RFTN1: variants seen among roughly 807,000 people sequenced by gnomAD.
The protein encoded by RFTN1 is raftlin, lipid raft linker 1.
In RFTN1, 26 loss-of-function variants were observed where a neutral mutation model predicts 46.5. The observed-to-expected ratio is 0.56, with a 90% CI of 0.41 to 0.78. The LOEUF is 0.78. Among genes scored for constraint, RFTN1 ranks in the 30% least tolerant of loss-of-function variants. The pLI is 0.00. For missense variants in RFTN1, 693 were observed against 718.7 expected, an observed-to-expected ratio of 0.96 and a Z score of 0.41; for synonymous variants, 261 against 284.2, an observed-to-expected ratio of 0.92 and a Z score of 0.82.
chr3:16,502,904 A>G (rs1468108883), intron 1 of RFTN1, among the ~76,000 whole-genome samples: 1 of 152,238 alleles, frequency 6.6e-6, no homozygotes, highest in East Asian at 1.9e-4. Context: ...TTTACCACCC[A>G]TCAATAGATA....
rs555659080 is a variant in RFTN1 at position 16,382,385 on chromosome 3, G to A, written c.442-4283C>T. On this transcript the variant is annotated intron_variant, in intron 4 of 9. Transcript: ENST00000334133. The surrounding 1 kb of genome is among the most constrained non-coding windows in gnomAD (Gnocchi z 4.7). ...AAAGTCATTTGACCGTGTACTTATG[G>A]CTAAAGTAAATCCTGCTTCTCATTC... Among the ~76,000 whole-genome samples the A allele has an allele frequency of 6.6e-6, 1 of 152,228 alleles. No homozygotes were observed. Among genetic ancestry groups the A allele is most frequent in the East Asian group, 1.9e-4 (1 of 5,182 alleles).
Position 16,428,457 on chromosome 3 carries a change from G to A in RFTN1, c.332+5394C>T, listed in dbSNP as rs373710465. Among the ~76,000 whole-genome samples the A allele has an allele frequency of 2.6e-5, 4 of 152,290 alleles. No individual in the cohort carries two copies. The highest frequency in any genetic ancestry group is 9.6e-5 in the African/African-American group (4 of 41,556). On this transcript the variant is annotated intron_variant, in intron 3 of 9. Coordinates refer to ENST00000334133, the MANE Select transcript of RFTN1 (RefSeq NM_015150.2). The surrounding 1 kb of genome is among the most constrained non-coding windows in gnomAD (Gnocchi z 4.7). Reference sequence around the variant, plus strand: ...TATATGCACTTCAAAAGATTTTCAAGGGTAACTTTGATTGTACACATTTTC... The same window carrying A: ...TATATGCACTTCAAAAGATTTTCAAAGGTAACTTTGATTGTACACATTTTC...
intron 4 of RFTN1, among the ~76,000 whole-genome samples, chr3:16,391,024 C>T (rs2074331275): frequency 6.6e-6 from 1 of 152,148 alleles, no homozygotes; most frequent in Non-Finnish European, 1.5e-5. Flanking sequence ...GCTCCTTTGA[C>T]TGCTTTTGCT....
At chr3:16,386,975 G>A (rs531017877) in intron 4 of RFTN1, among the ~76,000 whole-genome samples, 31 of 152,308 alleles carry the variant, frequency 2.0e-4, no homozygotes, top group African/African-American at 6.3e-4. Flanking sequence ...TAATAATTAC[G>A]CTTAGATGAC....
rs1022571862 is a variant in RFTN1, at chr3:16,504,595, C to A, written c.-9+8847G>T. ...GCTGCAGTGCCTTGCGGTATCTTAG[C>A]ACAGAATTTGGGAACCACCAATACA... On this transcript the variant is annotated intron_variant, in intron 1 of 9. Coordinates refer to ENST00000334133, the MANE Select transcript of RFTN1 (RefSeq NM_015150.2). This position sits in a 1 kb window ranked among gnomAD's most constrained non-coding sequence, Gnocchi z 4.4. Among the ~76,000 whole-genome samples the A allele has an allele frequency of 6.6e-6, 1 of 152,154 alleles. No individual in the cohort carries two copies. The highest frequency in any genetic ancestry group is 2.4e-5 in the African/African-American group (1 of 41,420).
chr3:16,328,238 G>A (rs2069931012), intron 7 of RFTN1, among the ~76,000 whole-genome samples: 2 of 152,228 alleles, frequency 1.3e-5, no homozygotes, highest in South Asian at 4.1e-4. Flanking sequence ...GGCTTCCTGG[G>A]GCAAAAATTA....
rs1261738421 is a variant in RFTN1, at chr3:16,404,226, TTA to T, written c.441+5147_441+5148del. Reference sequence around the variant, plus strand: ...TTATATATATTATATAATATATATTTTATATATAATATATATTTTATATATAA... The same window carrying T: ...TTATATATATTATATAATATATATTTTATATAATATATATTTTATATATAA... On this transcript the variant is annotated intron_variant, in intron 4 of 9. Coordinates refer to ENST00000334133, the MANE Select transcript of RFTN1 (RefSeq NM_015150.2). 2.4e-3 allele frequency among the ~76,000 whole-genome samples: 2 copies of T among 840 alleles called. 1 individual carries two copies. The highest frequency in any genetic ancestry group is 4.5e-3 in the Non-Finnish European group (2 of 448). The allele number at this position is 840 out of a possible 152,430, so 0.6% of individuals were successfully genotyped here. A position where few individuals can be genotyped will look rare whatever the true frequency, so the allele number is the denominator to read the frequency against.
intron 2 of RFTN1, among the ~76,000 whole-genome samples, chr3:16,462,451 T>C (rs1161131351): frequency 2.0e-5 from 3 of 152,222 alleles, no homozygotes; most frequent in African/African-American, 7.2e-5. Context: ...TCCTGTTTTA[T>C]ACAAGTGGTC....
rs1174427436 is a variant in RFTN1, at chr3:16,442,389, C to T, written c.146-8352G>A. 1.3e-5 allele frequency among the ~76,000 whole-genome samples: 2 copies of T among 152,112 alleles called. No individual in the cohort carries two copies. The highest frequency in any genetic ancestry group is 2.9e-5 in the Non-Finnish European group (2 of 68,026). Reference sequence around the variant, plus strand: ...GTTACTCTTCCCATTCCCCTCTCTCCCCGAGCCCTAGCAATCAATAACATG... The same window carrying T: ...GTTACTCTTCCCATTCCCCTCTCTCTCCGAGCCCTAGCAATCAATAACATG... On this transcript the variant is annotated intron_variant, in intron 2 of 9. Coordinates refer to ENST00000334133, the MANE Select transcript of RFTN1 (RefSeq NM_015150.2). This position sits in a 1 kb window ranked among gnomAD's most constrained non-coding sequence, Gnocchi z 4.1.
intron 2 of RFTN1, among the ~76,000 whole-genome samples, chr3:16,491,043 A>C (rs2076532273): frequency 6.6e-6 from 1 of 152,236 alleles, no homozygotes. Flanking sequence ...TAATGAAGAA[A>C]GGCAGACAAC....
At chr3:16,454,772 A>C in intron 2 of RFTN1, 7 of 985,260 alleles carry the variant, frequency 7.1e-6, no homozygotes, top group Non-Finnish European at 8.4e-6. Flanking sequence ...ACCATCTAGC[A>C]CTCACCATCA....
At position 16,409,623 on chromosome 3, in the gene RFTN1, T is replaced by A. The variant is rs944726172; in HGVS notation, c.333-140A>T. On this transcript the variant is annotated intron_variant, in intron 3 of 9. Coordinates refer to ENST00000334133, the MANE Select transcript of RFTN1 (RefSeq NM_015150.2). ...ACCCCCACCTCCCGGGTTCAAGCAA[T>A]TGTCCTGCCTCAGCCTCCCGAATAG... 5 of 564,732 alleles carry A rather than the reference T, an allele frequency of 8.9e-6. No homozygotes were observed. In the African/African-American group the frequency reaches 9.4e-5, roughly 11 times the overall value. 35.0% of individuals were successfully genotyped at this position (564,732 alleles called of 1,614,324 possible). A position where few individuals can be genotyped will look rare whatever the true frequency, so the allele number is the denominator to read the frequency against.
At position 16,394,132 on chromosome 3, in the gene RFTN1, C is replaced by T. The variant is rs369867834; in HGVS notation, c.441+15243G>A. 9.2e-5 allele frequency among the ~76,000 whole-genome samples: 14 copies of T among 151,944 alleles called. No individual in the cohort carries two copies. In the South Asian group the frequency reaches 1.5e-3, roughly 16 times the overall value. ...CTGTAATCCCAGTACTTTGGGAGGC[C>T]AGGATGGGAGGATCACTTGAGGCCA... On this transcript the variant is annotated intron_variant, in intron 4 of 9. Coordinates refer to ENST00000334133, the MANE Select transcript of RFTN1 (RefSeq NM_015150.2).
At chr3:16,333,567 G>T (rs2070538348) in intron 7 of RFTN1, among the ~76,000 whole-genome samples, 1 of 152,092 alleles carries the variant, frequency 6.6e-6, no homozygotes, top group Admixed American at 6.5e-5. Context: ...TTAATAAAAT[G>T]TTATTATTTT....
At chr3:16,411,942 A>C (rs1418457681) in intron 3 of RFTN1, among the ~76,000 whole-genome samples, 1 of 152,202 alleles carries the variant, frequency 6.6e-6, no homozygotes, top group Non-Finnish European at 1.5e-5. Flanking sequence ...TCTGTAAGCA[A>C]CTCACAGCCC....
chr3:16,491,932 A>C (rs1398825006), intron 2 of RFTN1, among the ~76,000 whole-genome samples: 1 of 152,176 alleles, frequency 6.6e-6, no homozygotes, highest in East Asian at 1.9e-4. Flanking sequence ...AGCACATTGT[A>C]GGCACTTAAA....
At position 16,422,296 on chromosome 3, in the gene RFTN1, T is replaced by A. The variant is rs2075200311; in HGVS notation, c.332+11555A>T. Among the ~76,000 whole-genome samples the A allele has an allele frequency of 6.6e-6, 1 of 152,212 alleles. No homozygotes were observed. The highest frequency in any genetic ancestry group is 1.5e-5 in the Non-Finnish European group (1 of 68,036). On this transcript the variant is annotated intron_variant, in intron 3 of 9. Coordinates refer to ENST00000334133, the MANE Select transcript of RFTN1 (RefSeq NM_015150.2). This position sits in a 1 kb window ranked among gnomAD's most constrained non-coding sequence, Gnocchi z 4.6. ...TGAAGAAATTATTTCAGGCTTTACA[T>A]GGAAAAATCAACGTACAAAAGTTAT... is the stretch of plus-strand genomic sequence containing the variant.
At position 16,407,867 on chromosome 3, in the gene RFTN1, A is replaced by G. The variant is rs974483555; in HGVS notation, c.441+1508T>C. On this transcript the variant is annotated intron_variant, in intron 4 of 9. Transcript: ENST00000334133. The surrounding 1 kb of genome is among the most constrained non-coding windows in gnomAD (Gnocchi z 4.0). Reference sequence around the variant, plus strand: ...CCTCCCTCATCCTAGTAAAATTACCAGAAATTCTGACCTCAGAGATCATCT... The same window carrying G: ...CCTCCCTCATCCTAGTAAAATTACCGGAAATTCTGACCTCAGAGATCATCT... 1.3e-5 allele frequency among the ~76,000 whole-genome samples: 2 copies of G among 152,146 alleles called. No homozygotes were observed. Among genetic ancestry groups the G allele is most frequent in the African/African-American group, 4.8e-5 (2 of 41,428 alleles).
intron 7 of RFTN1, 121 bp from the exon 8 acceptor site, chr3:16,326,997 TCAGAGGC>T: frequency 1.5e-6 from 1 of 676,182 alleles, no homozygotes; most frequent in Non-Finnish European, 2.5e-6. Flanking sequence ...GCCCGGCCAC[TCAGAGGC>T]TCCTGCTCCG....
Sources: gnomAD v4.1 joint callset for allele counts (sites outside exome capture counted in the v4.1 genomes callset) on GRCh38, gnomAD v4.1.1 for gene constraint, Gnocchi (gnomAD v3.1) non-coding constraint, MANE v1.5 for transcripts, NCBI Gene and HGNC (gene_info 2026-07-23, HGNC 2026-07-21) for gene names.